The following TYK2 variants were observed in gnomAD, a reference collection of about 807,000 sequenced individuals.
TYK2 encodes the protein tyrosine kinase 2.
In TYK2, 65 loss-of-function variants were observed where a neutral mutation model predicts 130.9. The observed-to-expected ratio is 0.50, with a 90% confidence interval of 0.41 to 0.61. The LOEUF is 0.61. TYK2 is among the 20% of genes least tolerant of loss of function. The probability of loss-of-function intolerance (pLI) is 0.00; values close to 1 mark genes in which losing one functional copy is unlikely to be tolerated. For synonymous variants in TYK2, 647 were observed against 658.9 expected, an observed-to-expected ratio of 0.98 and a Z score of 0.28; for missense variants, 1,378 against 1,610.7, an observed-to-expected ratio of 0.86 and a Z score of 2.47.
At chr19:10,356,426 G>A (rs2041103471) in intron 18 of TYK2, 142 bp downstream of exon 18, 1 of 986,730 alleles carries the variant, frequency 1.0e-6, no homozygotes, top group South Asian at 1.4e-5. Flanking sequence ...AGCCAGGCAG[G>A]GCATGCTTAT....
intron 3 of TYK2, among the ~76,000 whole-genome samples, chr19:10,377,784 A>G (rs149286109): frequency 2.1e-3 from 37 of 17,760 alleles, no homozygotes; most frequent in Non-Finnish European, 2.3e-3. Flanking sequence ...GTGGATGGAT[A>G]GGTGGATAGG....
In TYK2 at chr19:10,368,067, G is replaced by A. The variant is rs1347875265; in HGVS notation, c.453C>T (p.Tyr151=). Residue 151 remains tyrosine (Y), a synonymous_variant, in exon 5 of 25, where the codon TAC becomes TAT. Transcript: ENST00000525621. ...MQLLDPASFE[Y]LFEQGKHEFV... ...GCCCTGCTCATACCTGCTCAAAGAG[G>A]TACTCAAATGAGGCTGGGTCCAGGA... The A allele has an allele frequency of 6.2e-7, 1 of 1,614,020 alleles. No individual in the cohort carries two copies. The highest frequency in any genetic ancestry group is 1.3e-5 in the African/African-American group (1 of 74,924).
intron 2 of TYK2, among the ~76,000 whole-genome samples, chr19:10,379,192 G>T (rs1044907983): frequency 6.6e-6 from 1 of 151,848 alleles, no homozygotes; most frequent in Non-Finnish European, 1.5e-5. Context: ...AGCCAGGCGT[G>T]GGGGTGCACA....
chr19:10,350,998 C>T lies in TYK2; in HGVS notation c.3430-30G>A, dbSNP rs183197927. 1.9e-6 allele frequency: 3 copies of T among 1,614,150 alleles called. No homozygotes were observed. In the Admixed American group the frequency reaches 5.0e-5, roughly 27 times the overall value. On this transcript the variant is annotated intron_variant, in intron 24 of 24. Coordinates refer to ENST00000525621, the MANE Select transcript of TYK2 (RefSeq NM_003331.5). ...AAGGAAAAACCAGGGCTGGTGGGGGCTGCCCTCTCCACAGCAGGATAGTGG... is the reference window on the plus strand; with the variant it reads ...AAGGAAAAACCAGGGCTGGTGGGGGTTGCCCTCTCCACAGCAGGATAGTGG...
intron 22 of TYK2, among the ~76,000 whole-genome samples, 157 bp downstream of exon 22, chr19:10,352,769 A>C (rs532964715): frequency 6.6e-6 from 1 of 151,678 alleles, no homozygotes; most frequent in African/African-American, 2.4e-5. Context: ...CACTCTATAC[A>C]CCGCCCCTTG....
chr19:10,365,907 A>C lies in TYK2; in HGVS notation c.630-9T>G. 6.2e-7 allele frequency: 1 copy of C among 1,600,856 alleles called. No individual in the cohort carries two copies. Among genetic ancestry groups the C allele is most frequent in the Non-Finnish European group, 8.5e-7 (1 of 1,173,410 alleles). ...GGATGCAGTCCTTGAAGCTGGGGGGAAACACAGTGAGGGGCTGGTCAGGGA... is the reference window on the plus strand; with the variant it reads ...GGATGCAGTCCTTGAAGCTGGGGGGCAACACAGTGAGGGGCTGGTCAGGGA... On this transcript the variant is annotated splice_polypyrimidine_tract_variant and intron_variant, in intron 6 of 24. Coordinates refer to ENST00000525621, the MANE Select transcript of TYK2 (RefSeq NM_003331.5).
At chr19:10,370,502 G>C (rs1164127933) in intron 3 of TYK2, among the ~76,000 whole-genome samples, 1 of 124,342 alleles carries the variant, frequency 8.0e-6, no homozygotes, top group South Asian at 2.6e-4. Context: ...GACACAGCAA[G>C]ACTGTCTCAA....
Position 10,365,819 on chromosome 19 carries a change from C to T in TYK2, c.709G>A (p.Val237Ile), listed in dbSNP as rs369423520. The change falls in exon 7 of 25, where the codon GTC becomes ATC. Residue 237 changes from valine to isoleucine, a missense_variant. Physicochemically the swap from Val to Ile is conservative, Grantham distance 29. Coordinates refer to ENST00000525621, the MANE Select transcript of TYK2 (RefSeq NM_003331.5). The stretch of plus-strand genomic sequence containing the variant: ...AAGTCCCGCAGGAACCTGCGGAAGA[C>T]GTTCCGAAGGCGCAGCCGGGTCAGG... ...SALTRLRLRN[V>I]FRRFLRDFQP... 156 of 1,612,436 alleles carry T rather than the reference C, an allele frequency of 9.7e-5. 1 individual carries two copies. Among genetic ancestry groups the T allele is most frequent in the Admixed American group, 3.3e-4 (20 of 59,888 alleles).
chr19:10,370,362 A>C (rs1454827703), intron 3 of TYK2, among the ~76,000 whole-genome samples: 1 of 151,644 alleles, frequency 6.6e-6, no homozygotes, highest in Non-Finnish European at 1.5e-5. Flanking sequence ...TGAAAAAAAA[A>C]AATTGGCTGG....
rs768619405 is a variant in TYK2 at position 10,361,727 on chromosome 19, C to G, written c.1959+43G>C. On this transcript the variant is annotated intron_variant, in intron 13 of 24. Coordinates refer to ENST00000525621, the MANE Select transcript of TYK2 (RefSeq NM_003331.5). This position sits in a 1 kb window ranked among gnomAD's most constrained non-coding sequence, Gnocchi z 4.0. The stretch of plus-strand genomic sequence containing the variant: ...CTCCCATCCCACCTCCTCCGGCCAC[C>G]TCCTCCACAGACACACCCCCAGGCC... 1.2e-6 allele frequency: 2 copies of G among 1,607,090 alleles called. No homozygotes were observed. The highest frequency in any genetic ancestry group is 1.7e-6 in the Non-Finnish European group (2 of 1,178,040).
At chr19:10,367,649 G>A (rs958056293) in intron 5 of TYK2, among the ~76,000 whole-genome samples, 8 of 149,556 alleles carry the variant, frequency 5.3e-5, no homozygotes, top group African/African-American at 7.4e-5. Context: ...GGCTGGGAGC[G>A]GTGGCTCACG....
At chr19:10,360,237 G>C (rs533666947) in intron 14 of TYK2, among the ~76,000 whole-genome samples, 1 of 152,134 alleles carries the variant, frequency 6.6e-6, no homozygotes, top group African/African-American at 2.4e-5. Flanking sequence ...GCTCATGCCT[G>C]CAATCCTGTC....
In TYK2 at chr19:10,362,371, C is replaced by G; in HGVS notation, c.1562G>C (p.Arg521Pro). The change falls in exon 11 of 25, where the codon CGG becomes CCG. Residue 521 changes from arginine (R) to proline (P), a missense_variant. By Grantham distance (103) the Arg-to-Pro change is moderately radical. Coordinates refer to ENST00000525621, the MANE Select transcript of TYK2 (RefSeq NM_003331.5). Reference protein sequence around the residue: ...DGAFVLEGWGRSFPSVRELGA... With the variant: ...DGAFVLEGWGPSFPSVRELGA... ...AAGTTCCCGAACGCTGGGGAAGGAC[C>G]GGCCCCAGCCCTCCAGCACGAAGGC... 6.2e-7 allele frequency: 1 copy of G among 1,614,072 alleles called. No individual in the cohort carries two copies.
At chr19:10,368,439 G>A in intron 3 of TYK2, 21 bp from the exon 4 acceptor site, 1 of 1,614,014 alleles carries the variant, frequency 6.2e-7, no homozygotes, top group Non-Finnish European at 8.5e-7. Context: ...TGAGAAACGA[G>A]GTCAGGAGTC....
intron 17 of TYK2, chr19:10,357,395 A>G (rs2041153679): frequency 1.6e-6 from 1 of 639,362 alleles, no homozygotes; most frequent in Admixed American, 2.4e-5. Context: ...GTCTCAAAAT[A>G]AAACCACCAC....
intron 3 of TYK2, among the ~76,000 whole-genome samples, chr19:10,374,372 T>C (rs2042029416): frequency 6.6e-6 from 1 of 151,406 alleles, no homozygotes; most frequent in African/African-American, 2.4e-5. Context: ...TCACTTGAGG[T>C]CAGGAGTTCG....
intron 3 of TYK2, among the ~76,000 whole-genome samples, chr19:10,376,763 G>C (rs534014559): frequency 6.6e-5 from 10 of 151,838 alleles, no homozygotes; most frequent in African/African-American, 2.2e-4. Context: ...CCCCACGCCC[G>C]GCTAGTTTTT....
intron 7 of TYK2, 72 bp from the exon 8 acceptor site, chr19:10,365,120 G>A: frequency 6.8e-7 from 1 of 1,463,216 alleles, no homozygotes; most frequent in Non-Finnish European, 9.1e-7. Flanking sequence ...CTTTCCCCTG[G>A]GGAGAGACTG....
At chr19:10,376,800 C>A (rs1229485869) in intron 3 of TYK2, among the ~76,000 whole-genome samples, 2 of 151,786 alleles carry the variant, frequency 1.3e-5, no homozygotes, top group Admixed American at 6.6e-5. Flanking sequence ...TGGAGTTTTG[C>A]CATGTTGGCC....
Sources: gnomAD v4.1 joint callset for allele counts (sites outside exome capture counted in the v4.1 genomes callset) on GRCh38, gnomAD v4.1.1 for gene constraint, Gnocchi (gnomAD v3.1) non-coding constraint, MANE v1.5 for transcripts, NCBI Gene and HGNC (gene_info 2026-07-23, HGNC 2026-07-21) for gene names.